RFX3: variants seen among roughly 807,000 people sequenced by gnomAD.
RFX3 encodes the protein transcription factor RFX3.
Under a neutral mutation model 98.6 loss-of-function variants are expected in RFX3, and 14 were observed. The ratio of observed to expected loss-of-function variants is 0.14; its 90% CI spans 0.09 to 0.22. The LOEUF (loss-of-function observed/expected upper bound fraction) is 0.22, where lower values mean the gene tolerates loss of function less well. Ranked by LOEUF, RFX3 falls within the 10% of genes least tolerant of loss-of-function variation. RFX3 has a pLI of 1.00. For missense variants in RFX3, 639 were observed against 926.9 expected, an observed-to-expected ratio of 0.69 and a Z score of 4.03; for synonymous variants, 383 against 328.4, an observed-to-expected ratio of 1.17 and a Z score of -1.80.
intron 1 of RFX3, among the ~76,000 whole-genome samples, chr9:3,428,377 T>C (rs368154124): frequency 3.9e-4 from 60 of 152,310 alleles, no homozygotes; most frequent in African/African-American, 1.4e-3. Flanking sequence ...TTTAAGATCT[T>C]ATAATGATGA....
chr9:3,485,006 G>A (rs1256439971), intron 1 of RFX3, among the ~76,000 whole-genome samples: 1 of 151,832 alleles, frequency 6.6e-6, no homozygotes, highest in Non-Finnish European at 1.5e-5. Flanking sequence ...GGCTCAGGCA[G>A]GAGGCTGAAG....
intron 1 of RFX3, among the ~76,000 whole-genome samples, chr9:3,454,117 T>G (rs1846932552): frequency 6.6e-6 from 1 of 152,228 alleles, no homozygotes; most frequent in Non-Finnish European, 1.5e-5. Flanking sequence ...TTGCTATGAA[T>G]TAGGAATGTC....
intron 1 of RFX3, among the ~76,000 whole-genome samples, chr9:3,457,311 G>T (rs1316129236): frequency 6.6e-6 from 1 of 151,878 alleles, no homozygotes; most frequent in Non-Finnish European, 1.5e-5. Context: ...TGGCCATAAT[G>T]GTTCAAAGAT....
intron 1 of RFX3, among the ~76,000 whole-genome samples, chr9:3,430,637 A>G (rs1007546286): frequency 1.3e-5 from 2 of 152,142 alleles, no homozygotes; most frequent in African/African-American, 4.8e-5. Context: ...ACAAAATCTG[A>G]TTCATTCTTT....
At chr9:3,247,820 A>G (rs974355788) in intron 15 of RFX3, 8 of 1,606,496 alleles carry the variant, frequency 5.0e-6, no homozygotes, top group African/African-American at 4.0e-5. Flanking sequence ...GAACTTTCAC[A>G]TGATATAATC....
chr9:3,333,975 T>C (rs1203091892), intron 3 of RFX3, among the ~76,000 whole-genome samples: 3 of 152,284 alleles, frequency 2.0e-5, no homozygotes, highest in South Asian at 2.1e-4. Context: ...ATAATTCCTA[T>C]TTCGCATACA....
intron 1 of RFX3, among the ~76,000 whole-genome samples, chr9:3,402,337 T>C (rs2132042532): frequency 6.6e-6 from 1 of 152,292 alleles, no homozygotes; most frequent in South Asian, 2.1e-4. Context: ...AGACCTGTAA[T>C]TTAATTTTCA....
chr9:3,359,257 A>G (rs1417746706), intron 2 of RFX3, among the ~76,000 whole-genome samples: 3 of 152,170 alleles, frequency 2.0e-5, no homozygotes, highest in African/African-American at 7.2e-5. Flanking sequence ...TATCTTATGT[A>G]TACATACCTC....
At chr9:3,509,801 TA>T (rs36100895) in intron 1 of RFX3, among the ~76,000 whole-genome samples, 1 of 151,724 alleles carries the variant, frequency 6.6e-6, no homozygotes, top group Non-Finnish European at 1.5e-5. Context: ...TCTTTGCCTT[TA>T]AAAAAAGTTT....
At chr9:3,495,440 T>C (rs983318974) in intron 1 of RFX3, among the ~76,000 whole-genome samples, 6 of 152,084 alleles carry the variant, frequency 3.9e-5, no homozygotes, top group South Asian at 2.1e-4. Context: ...CAATAGAATA[T>C]ATTTTAACTC....
intron 1 of RFX3, among the ~76,000 whole-genome samples, chr9:3,522,504 G>C (rs966679594): frequency 6.6e-6 from 1 of 151,866 alleles, no homozygotes; most frequent in Non-Finnish European, 1.5e-5. Flanking sequence ...TCTCACTATG[G>C]ATACTAAGAA....
chr9:3,427,247 T>A (rs889718547), intron 1 of RFX3, among the ~76,000 whole-genome samples: 2 of 144,106 alleles, frequency 1.4e-5, no homozygotes, highest in East Asian at 2.0e-4. Flanking sequence ...ATAAATAAAA[T>A]ATATATATAA....
chr9:3,230,356 T>A (rs1234261182), intron 15 of RFX3, among the ~76,000 whole-genome samples: 1 of 152,136 alleles, frequency 6.6e-6, no homozygotes, highest in African/African-American at 2.4e-5. Flanking sequence ...TTTAGAGCTA[T>A]TTTTTAGAGT....
At chr9:3,311,000 G>T (rs1385990000) in intron 4 of RFX3, among the ~76,000 whole-genome samples, 2 of 151,970 alleles carry the variant, frequency 1.3e-5, no homozygotes. Context: ...GAAGTTACTA[G>T]GCAATAAAAA....
intron 2 of RFX3, among the ~76,000 whole-genome samples, chr9:3,371,560 A>T (rs1366364386): frequency 1.3e-5 from 2 of 152,198 alleles, no homozygotes; most frequent in African/African-American, 4.8e-5. Context: ...ACATGTGGCC[A>T]GAAATTTAAA....
intron 1 of RFX3, among the ~76,000 whole-genome samples, chr9:3,507,483 A>G (rs1053959350): frequency 6.6e-6 from 1 of 151,924 alleles, no homozygotes; most frequent in African/African-American, 2.4e-5. Flanking sequence ...ACAGAATTTA[A>G]GTAATCTGCC....
chr9:3,399,203 G>T (rs988038966), intron 1 of RFX3, among the ~76,000 whole-genome samples: 2 of 151,484 alleles, frequency 1.3e-5, no homozygotes, highest in African/African-American at 4.9e-5. Context: ...GGGAGGCCAA[G>T]GTGGGTGAAT....
At chr9:3,260,669 G>A (rs1822757788) in intron 13 of RFX3, among the ~76,000 whole-genome samples, 1 of 151,406 alleles carries the variant, frequency 6.6e-6, no homozygotes, top group Admixed American at 6.6e-5. Flanking sequence ...TAGATTTTAA[G>A]GCAATATTAA....
At chr9:3,320,475 C>T (rs1469053661) in intron 4 of RFX3, among the ~76,000 whole-genome samples, 1 of 151,502 alleles carries the variant, frequency 6.6e-6, no homozygotes, top group African/African-American at 2.4e-5. Flanking sequence ...TCACTTGAAC[C>T]TGGGAGTCAG....
Sources: allele counts gnomAD v4.1 joint callset (sites outside exome capture counted in the v4.1 genomes callset), GRCh38; gene constraint gnomAD v4.1.1; transcripts MANE v1.5; gene names NCBI Gene and HGNC (gene_info 2026-07-23, HGNC 2026-07-21).